RASGRF1: variants seen among roughly 807,000 people sequenced by gnomAD.
The protein encoded by RASGRF1 is ras-specific guanine nucleotide-releasing factor 1.
Under a neutral mutation model 138.7 loss-of-function variants are expected in RASGRF1, and 40 were observed. The observed-to-expected ratio is 0.29, with a 90% CI of 0.22 to 0.38. The LOEUF is 0.38. Among genes scored for constraint, RASGRF1 ranks in the 10% least tolerant of loss-of-function variants. The pLI is 1.00. For missense variants in RASGRF1, 1,108 were observed against 1,650.4 expected (o/e 0.67, Z 5.69); for synonymous variants, 614 against 663.2 (o/e 0.93, Z 1.14).
At chr15:79,042,432 T>C (rs1159568757) in intron 5 of RASGRF1, among the ~76,000 whole-genome samples, 1 of 152,228 alleles carries the variant, frequency 6.6e-6, no homozygotes, top group Non-Finnish European at 1.5e-5. Context: ...GTTCACATCC[T>C]GGATCAGCCC....
chr15:78,996,501 T>C (rs866511659), intron 19 of RASGRF1, among the ~76,000 whole-genome samples: 1 of 152,028 alleles, frequency 6.6e-6, no homozygotes, highest in South Asian at 2.1e-4. Context: ...GTCGTGTATA[T>C]CTTACAGCTG....
intron 3 of RASGRF1, among the ~76,000 whole-genome samples, chr15:79,053,551 T>C (rs924349258): frequency 7.2e-5 from 11 of 152,238 alleles, no homozygotes; most frequent in Non-Finnish European, 1.6e-4. Context: ...AGATGTTCCC[T>C]TGTTTTAGAT....
Position 78,995,818 on chromosome 15 carries a change from G to C in RASGRF1, c.2967-18C>G, listed in dbSNP as rs774094235. On this transcript the variant is annotated intron_variant, in intron 19 of 26. Transcript: ENST00000558480. ...TCAGAGTCCTAGGCAGGAGCGAGAA[G>C]GCACGGTGAGCCCCACTTCACGTTG... 6.2e-7 allele frequency: 1 copy of C among 1,613,966 alleles called. No individual in the cohort carries two copies. Among genetic ancestry groups the C allele is most frequent in the South Asian group, 1.1e-5 (1 of 91,068 alleles).
intron 1 of RASGRF1, among the ~76,000 whole-genome samples, chr15:79,088,857 G>A (rs962607964): frequency 3.3e-5 from 5 of 152,148 alleles, no homozygotes; most frequent in African/African-American, 1.2e-4. Flanking sequence ...CTTTCCATCT[G>A]GGAGCCCCTG....
chr15:79,012,591 T>A (rs1225767935), intron 13 of RASGRF1: 8 of 1,601,022 alleles, frequency 5.0e-6, no homozygotes, highest in Non-Finnish European at 6.0e-6. Flanking sequence ...AAGTTTAATC[T>A]GGACATTCCA....
Position 79,003,900 on chromosome 15 carries a change from C to T in RASGRF1, c.2351G>A (p.Ser784Asn). Residue 784 changes from serine to asparagine, a missense_variant, in exon 15 of 27, where the codon AGC becomes AAC. Around this residue, in one of 3 missense-constraint regions of RASGRF1, gnomAD observed 686 missense variants for 976.7 expected, o/e 0.70. Transcript: ENST00000558480. The part of the protein sequence containing the change: ...SPFSKATLDT[S>N]KLYVSSSFTN... ...GAAGCTGCTGGACACATAGAGCTTG[C>T]TGGTGTCCAGCGTGGCCTTGCTGAA... 6.2e-7 allele frequency: 1 copy of T among 1,614,106 alleles called. No homozygotes were observed. Among genetic ancestry groups the T allele is most frequent in the Non-Finnish European group, 8.5e-7 (1 of 1,180,020 alleles).
intron 1 of RASGRF1, among the ~76,000 whole-genome samples, chr15:79,080,396 G>A (rs2057899067): frequency 6.6e-6 from 1 of 152,224 alleles, no homozygotes; most frequent in Admixed American, 6.5e-5. Context: ...TAGGGCACAG[G>A]GAAACTGGGC....
intron 23 of RASGRF1, among the ~76,000 whole-genome samples, chr15:78,983,936 T>C (rs2056091497): frequency 6.6e-6 from 1 of 152,180 alleles, no homozygotes; most frequent in African/African-American, 2.4e-5. Flanking sequence ...TGTTCTGTAG[T>C]CCTGCTGTCA....
At chr15:79,025,527 T>G (rs1322415292) in intron 9 of RASGRF1, 53 bp from the exon 10 acceptor site, 2 of 1,562,426 alleles carry the variant, frequency 1.3e-6, no homozygotes, top group Non-Finnish European at 1.7e-6. Flanking sequence ...GACCTTTGCC[T>G]CTGACCCAGC....
intron 24 of RASGRF1, among the ~76,000 whole-genome samples, chr15:78,974,049 C>T (rs2055824968): frequency 6.6e-6 from 1 of 152,172 alleles, no homozygotes; most frequent in South Asian, 2.1e-4. Context: ...GTTGGTGACT[C>T]ATGGGGGACT....
chr15:78,998,609 C>T, intron 18 of RASGRF1, 110 bp downstream of exon 18: 1 of 904,532 alleles, frequency 1.1e-6, no homozygotes, highest in Admixed American at 1.8e-5. Context: ...TGCTGCCCCA[C>T]TGCCAGCCAT....
Position 79,017,952 on chromosome 15 carries a change from T to A in RASGRF1, c.1607-46A>T, listed in dbSNP as rs759823053. 1.4e-5 allele frequency: 22 copies of A among 1,601,918 alleles called. No individual in the cohort carries two copies. In the East Asian group the frequency reaches 5.0e-4, roughly 36 times the overall value. On this transcript the variant is annotated intron_variant, in intron 11 of 26. Coordinates refer to ENST00000558480, the MANE Select transcript of RASGRF1 (RefSeq NM_001145648.3). ...AGTTAGCAGCATGAATGTGGACGCC[T>A]TTTCAGGTGGAAAATGTTTTAGTGG... is the stretch of plus-strand genomic sequence containing the variant.
intron 5 of RASGRF1, among the ~76,000 whole-genome samples, chr15:79,035,800 G>T (rs1383346089): frequency 1.3e-5 from 2 of 152,158 alleles, no homozygotes; most frequent in Non-Finnish European, 2.9e-5. Context: ...GAAGCAATGG[G>T]ACAATTCGAG....
intron 20 of RASGRF1, among the ~76,000 whole-genome samples, chr15:78,993,515 G>T (rs1189677099): frequency 2.2e-4 from 34 of 152,054 alleles, no homozygotes; most frequent in Non-Finnish European, 4.4e-5. Flanking sequence ...AGCCTTTGGG[G>T]ACACAGAAAG....
At chr15:79,086,058 A>C (rs1468844055) in intron 1 of RASGRF1, among the ~76,000 whole-genome samples, 1 of 152,114 alleles carries the variant, frequency 6.6e-6, no homozygotes. Flanking sequence ...GTGGGTGATG[A>C]GTAGCCCACA....
At chr15:78,968,656 G>T (rs2055692570) in intron 26 of RASGRF1, among the ~76,000 whole-genome samples, 1 of 152,078 alleles carries the variant, frequency 6.6e-6, no homozygotes. Context: ...AAGACTATAT[G>T]CAGTAGTGTG....
At chr15:79,035,715 T>C (rs1332838092) in intron 5 of RASGRF1, among the ~76,000 whole-genome samples, 2 of 152,120 alleles carry the variant, frequency 1.3e-5, no homozygotes, top group Non-Finnish European at 2.9e-5. Context: ...TGTGAGACCA[T>C]GAATAAGTTA....
intron 10 of RASGRF1, among the ~76,000 whole-genome samples, chr15:79,022,456 AC>A (rs570334494): frequency 9.2e-5 from 12 of 130,406 alleles, no homozygotes; most frequent in African/African-American, 2.8e-4. Context: ...CAAACAAACA[AC>A]CCCCCCCCAA....
rs376641838 is a variant in RASGRF1, at chr15:78,978,845, A to C, written c.3494+1775T>G. On this transcript the variant is annotated intron_variant, in intron 24 of 26. Coordinates refer to ENST00000558480, the MANE Select transcript of RASGRF1 (RefSeq NM_001145648.3). ...TCTGCAAGTCCAGAACCTGGTTTGC[A>C]TAAAGCTCTTAGCTTCCAGAGGCCC... The C allele has an allele frequency of 1.3e-5, 16 of 1,186,140 alleles. No homozygotes were observed. In the South Asian group the frequency reaches 2.2e-4, roughly 17 times the overall value. 73.5% of individuals were successfully genotyped at this position (1,186,140 alleles called of 1,614,324 possible).
Sources: allele counts gnomAD v4.1 joint callset (sites outside exome capture counted in the v4.1 genomes callset), GRCh38; gene constraint gnomAD v4.1.1; regional missense constraint gnomAD v4.1.1; transcripts MANE v1.5; gene names NCBI Gene and HGNC (gene_info 2026-07-23, HGNC 2026-07-21).